Variants in CEP162 observed in about 807,000 individuals in gnomAD.
CEP162 encodes the protein centrosomal protein of 162 kDa.
Under a neutral mutation model 169.2 loss-of-function variants are expected in CEP162, and 141 were observed. That is an observed-to-expected ratio of 0.83 (90% CI 0.73 to 0.96). The LOEUF is 0.96. Ranked by LOEUF, CEP162 falls within the 40% of genes least tolerant of loss-of-function variation. The pLI is 0.00. For missense variants in CEP162, 1,600 were observed against 1,587.2 expected (o/e 1.01, Z -0.14); for synonymous variants, 540 against 526.4 (o/e 1.03, Z -0.35).
At chr6:84,211,859 A>G (rs556106970) in intron 6 of CEP162, among the ~76,000 whole-genome samples, 1 of 151,928 alleles carries the variant, frequency 6.6e-6, no homozygotes, top group African/African-American at 2.4e-5. Flanking sequence ...AATAAATATA[A>G]GAAAAGCATA....
At chr6:84,164,114 T>C (rs1050461092) in intron 18 of CEP162, among the ~76,000 whole-genome samples, 22 of 151,856 alleles carry the variant, frequency 1.4e-4, no homozygotes, top group African/African-American at 4.8e-4. Flanking sequence ...TCATCATCAC[T>C]GGTCATAGAG....
chr6:84,138,115 A>G (rs2099514947), intron 25 of CEP162, among the ~76,000 whole-genome samples: 1 of 152,218 alleles, frequency 6.6e-6, no homozygotes, highest in African/African-American at 2.4e-5. Flanking sequence ...ATAAGCAATC[A>G]AAAGTTCACT....
chr6:84,148,452 C>G (rs2099519899), intron 24 of CEP162, among the ~76,000 whole-genome samples: 1 of 152,092 alleles, frequency 6.6e-6, no homozygotes, highest in Admixed American at 6.6e-5. Flanking sequence ...TCGCTTGAAC[C>G]TGGGAGGCAG....
chr6:84,162,720 C>G (rs2099526271), intron 19 of CEP162, among the ~76,000 whole-genome samples: 2 of 152,084 alleles, frequency 1.3e-5, no homozygotes, highest in African/African-American at 2.4e-5. Flanking sequence ...ACCTTACTCC[C>G]CTTGGTTTTC....
intron 21 of CEP162, 186 bp from the exon 22 acceptor site, chr6:84,155,696 G>T (rs912821434): frequency 3.8e-5 from 21 of 556,880 alleles, no homozygotes; most frequent in Admixed American, 1.3e-4. Context: ...AAGGATGTTT[G>T]CCAGGAGAAC....
At chr6:84,159,783 T>A (rs540284667) in intron 21 of CEP162, among the ~76,000 whole-genome samples, 2 of 151,342 alleles carry the variant, frequency 1.3e-5, no homozygotes, top group East Asian at 3.9e-4. Flanking sequence ...GGTTTCACCA[T>A]GTTGGCCACC....
At chr6:84,151,336 A>C (rs1321535408) in intron 23 of CEP162, among the ~76,000 whole-genome samples, 2 of 152,102 alleles carry the variant, frequency 1.3e-5, no homozygotes, top group East Asian at 3.8e-4. Flanking sequence ...CTGGTTTATA[A>C]AAGTAAGGAA....
intron 18 of CEP162, among the ~76,000 whole-genome samples, chr6:84,166,591 G>A (rs2129213355): frequency 6.6e-6 from 1 of 152,216 alleles, no homozygotes; most frequent in South Asian, 2.1e-4. Flanking sequence ...CCAATGCTTG[G>A]ATGAGTGCCT....
rs867611219 is a variant in CEP162 at position 84,215,897 on chromosome 6, A to G, written c.198T>C (p.Tyr66=). ...GCTGAGAAGTCTTCTTTGTTTTCAA[A>G]TAGCTCACATTTGTTCCAAGAAGTC... ...DDGLLGTNVS[Y]LKTKKTSQPV... The change falls in exon 4 of 27, where the codon TAT becomes TAC. Residue 66 remains tyrosine (Y), a synonymous_variant. Coordinates refer to ENST00000403245, the MANE Select transcript of CEP162 (RefSeq NM_014895.4). 17 of 1,573,130 alleles carry G rather than the reference A, an allele frequency of 1.1e-5. No homozygotes were observed. In the Middle Eastern group the frequency reaches 1.3e-3, roughly 123 times the overall value.
At chr6:84,125,803 G>A (rs887864018) in intron 26 of CEP162, among the ~76,000 whole-genome samples, 4 of 152,212 alleles carry the variant, frequency 2.6e-5, no homozygotes, top group Admixed American at 1.3e-4. Flanking sequence ...ACAGAACTGT[G>A]AGAAGATAAA....
intron 25 of CEP162, among the ~76,000 whole-genome samples, chr6:84,138,947 AGT>A (rs1267811966): frequency 3.3e-5 from 5 of 152,204 alleles, no homozygotes; most frequent in African/African-American, 1.2e-4. Context: ...GTAATTGTAG[AGT>A]GTTTTTACAT....
intron 11 of CEP162, among the ~76,000 whole-genome samples, 166 bp from the exon 12 acceptor site, chr6:84,186,789 C>T (rs1369208462): frequency 6.6e-6 from 1 of 150,704 alleles, no homozygotes; most frequent in East Asian, 1.9e-4. Flanking sequence ...ATTAACAGTA[C>T]ACTCACATAG....
rs2099514086 is a variant in CEP162 at position 84,136,407 on chromosome 6, TGAG to T, written c.3871-9898_3871-9896del. On this transcript the variant is annotated intron_variant, in intron 25 of 26. Transcript: ENST00000403245. ...GGCAGGTGATGAGACAGAGAGGGAA[TGAG>T]AACCACTGAACTTATTCTTCTATCA... is the stretch of plus-strand genomic sequence containing the variant. 3.3e-5 allele frequency among the ~76,000 whole-genome samples: 5 copies of T among 152,292 alleles called. No individual in the cohort carries two copies. The South Asian group carries it at 1.0e-3, about 32-fold the overall frequency.
intron 25 of CEP162, among the ~76,000 whole-genome samples, chr6:84,144,890 A>C (rs1380486734): frequency 6.6e-6 from 1 of 152,014 alleles, no homozygotes; most frequent in East Asian, 1.9e-4. Context: ...TTTTTCCTCT[A>C]TCTCTCCAGA....
intron 25 of CEP162, among the ~76,000 whole-genome samples, chr6:84,132,241 G>A (rs1343573306): frequency 6.6e-6 from 1 of 152,210 alleles, no homozygotes; most frequent in East Asian, 1.9e-4. Context: ...CCCTTTGTGG[G>A]TAAGCTGACC....
At chr6:84,134,247 T>A (rs2099512913) in intron 25 of CEP162, among the ~76,000 whole-genome samples, 1 of 152,184 alleles carries the variant, frequency 6.6e-6, no homozygotes, top group Non-Finnish European at 1.5e-5. Flanking sequence ...CAGACAGCTA[T>A]GCTGGCAGTG....
At chr6:84,155,148 G>T in intron 22 of CEP162, 150 bp downstream of exon 22, 1 of 622,228 alleles carries the variant, frequency 1.6e-6, no homozygotes, top group Non-Finnish European at 2.8e-6. Flanking sequence ...AAAATAGGAT[G>T]CACTTGGTTT....
Position 84,139,198 on chromosome 6 carries a change from T to TA in CEP162, c.3870+7488dup, listed in dbSNP as rs1220583903. On this transcript the variant is annotated intron_variant, in intron 25 of 26. Transcript: ENST00000403245. The stretch of plus-strand genomic sequence containing the variant: ...AGTGAAGAGGGCTCTAGATGCTTAT[T>TA]AGCCCAGAGATGGCACCAGAGGAAT... Among the ~76,000 whole-genome samples, 9 of 152,220 alleles carry TA rather than the reference T, an allele frequency of 5.9e-5. 1 individual carries two copies. Among genetic ancestry groups the TA allele is most frequent in the Non-Finnish European group, 1.3e-4 (9 of 68,036 alleles).
chr6:84,175,224 T>C lies in CEP162; in HGVS notation c.1787A>G (p.Gln596Arg). The change falls in exon 14 of 27, where the codon CAG becomes CGG. Residue 596 changes from glutamine (Q) to arginine (R), a missense_variant. Gln to Arg is a conservative substitution (Grantham distance 43). Transcript: ENST00000403245. ...ATTTTGAATACCTACAGTCTGAAACTGAATACAGGAATCAGTTTCTGTGGG... is the reference window on the plus strand; with the variant it reads ...ATTTTGAATACCTACAGTCTGAAACCGAATACAGGAATCAGTTTCTGTGGG... ...ENPTETDSCI[Q>R]FQTDSLGYCG... is the part of the protein sequence containing the mutation. The C allele has an allele frequency of 1.3e-6, 2 of 1,534,908 alleles. No individual in the cohort carries two copies.
Sources: gnomAD v4.1 joint callset for allele counts (sites outside exome capture counted in the v4.1 genomes callset) on GRCh38, gnomAD v4.1.1 for gene constraint, MANE v1.5 for transcripts, NCBI Gene and HGNC (gene_info 2026-07-23, HGNC 2026-07-21) for gene names.